CNTN5: variants seen among roughly 807,000 people sequenced by gnomAD.
CNTN5 encodes the protein contactin-5.
A neutral mutation model predicts 129.1 loss-of-function variants in CNTN5; 77 were observed. The observed-to-expected ratio is 0.60, with a 90% confidence interval of 0.50 to 0.72. The LOEUF is 0.72. Ranked by LOEUF, CNTN5 falls within the 30% of genes least tolerant of loss-of-function variation. CNTN5 has a pLI of 0.00. For synonymous variants in CNTN5, 509 were observed against 465.6 expected, an observed-to-expected ratio of 1.09 and a Z score of -1.20; for missense variants, 1,478 against 1,328.8, an observed-to-expected ratio of 1.11 and a Z score of -1.75.
rs367946279 is a variant in CNTN5, at chr11:99,883,764, A to G, written c.578-32290A>G. Among the ~76,000 whole-genome samples, 47 of 152,348 alleles carry G rather than the reference A, an allele frequency of 3.1e-4. 1 individual carries two copies. Among genetic ancestry groups the G allele is most frequent in the African/African-American group, 1.1e-3 (44 of 41,572 alleles). On this transcript the variant is annotated intron_variant, in intron 6 of 24. Transcript: ENST00000524871. ...CTATCTTCTATCTGTTGAATTAAAT[A>G]GAAACCAGGAGAGCCCCAAAACTAA...
At chr11:100,066,695 G>T (rs985222712) in intron 10 of CNTN5, among the ~76,000 whole-genome samples, 3 of 151,936 alleles carry the variant, frequency 2.0e-5, no homozygotes, top group African/African-American at 7.2e-5. Context: ...TGTTTTAAAT[G>T]TGGCCCAACC....
chr11:99,891,169 G>C (rs934694877), intron 6 of CNTN5, among the ~76,000 whole-genome samples: 4 of 152,186 alleles, frequency 2.6e-5, no homozygotes, highest in East Asian at 1.9e-4. Context: ...ATATAAAATT[G>C]GTTGATTATT....
At chr11:99,749,645 G>A (rs189678098) in intron 3 of CNTN5, among the ~76,000 whole-genome samples, 1 of 152,298 alleles carries the variant, frequency 6.6e-6, no homozygotes, top group East Asian at 1.9e-4. Flanking sequence ...TTTAATGAAT[G>A]TAAAATGCTA....
At chr11:99,110,187 G>A (rs1470127288) in intron 1 of CNTN5, among the ~76,000 whole-genome samples, 2 of 152,018 alleles carry the variant, frequency 1.3e-5, no homozygotes, top group Admixed American at 6.6e-5. Flanking sequence ...AGATGAATGG[G>A]GTTGTCAAGG....
At chr11:100,348,782 G>A (rs982878040) in intron 23 of CNTN5, among the ~76,000 whole-genome samples, 8 of 152,002 alleles carry the variant, frequency 5.3e-5, no homozygotes, top group Non-Finnish European at 1.0e-4. Context: ...AAGTGTTCCT[G>A]ATTTCCCCAA....
intron 21 of CNTN5, among the ~76,000 whole-genome samples, chr11:100,319,246 G>A (rs1165809909): frequency 6.7e-6 from 1 of 150,356 alleles, no homozygotes; most frequent in African/African-American, 2.5e-5. Flanking sequence ...TCCGCCTCCT[G>A]GGCTCAAGCA....
At chr11:99,625,724 C>T (rs1951101646) in intron 3 of CNTN5, among the ~76,000 whole-genome samples, 1 of 151,964 alleles carries the variant, frequency 6.6e-6, no homozygotes, top group Admixed American at 6.6e-5. Context: ...CATCACTTTT[C>T]TTCAGGTGAG....
chr11:99,809,141 A>T (rs1190883376), intron 3 of CNTN5, among the ~76,000 whole-genome samples: 1 of 151,944 alleles, frequency 6.6e-6, no homozygotes, highest in Non-Finnish European at 1.5e-5. Context: ...ATTTTTGTTT[A>T]CTCTATGGGG....
At chr11:99,394,957 T>G (rs1941444642) in intron 2 of CNTN5, among the ~76,000 whole-genome samples, 1 of 151,868 alleles carries the variant, frequency 6.6e-6, no homozygotes, top group Non-Finnish European at 1.5e-5. Flanking sequence ...GGCATTCAGG[T>G]TGATTCACTG....
intron 3 of CNTN5, among the ~76,000 whole-genome samples, chr11:99,693,824 C>A (rs1426494447): frequency 1.3e-5 from 2 of 151,988 alleles, no homozygotes; most frequent in Non-Finnish European, 2.9e-5. Context: ...AACAAGTATT[C>A]ATTGAATCAG....
chr11:99,712,556 G>C (rs1231934233), intron 3 of CNTN5, among the ~76,000 whole-genome samples: 1 of 151,992 alleles, frequency 6.6e-6, no homozygotes, highest in East Asian at 1.9e-4. Flanking sequence ...CTTTGCCCAT[G>C]CCTACATCCT....
intron 9 of CNTN5, among the ~76,000 whole-genome samples, chr11:100,041,448 G>C (rs1363783023): frequency 6.6e-6 from 1 of 152,176 alleles, no homozygotes; most frequent in Non-Finnish European, 1.5e-5. Flanking sequence ...TATAATTGCT[G>C]AGTGAACAAA....
intron 3 of CNTN5, among the ~76,000 whole-genome samples, chr11:99,574,553 C>T (rs557677164): frequency 2.5e-4 from 38 of 152,336 alleles, no homozygotes; most frequent in African/African-American, 8.9e-4. Context: ...TATTTCTCCA[C>T]AGCCTCTCCA....
intron 3 of CNTN5, among the ~76,000 whole-genome samples, chr11:99,628,611 G>GACACACACACAC (rs10607009): frequency 5.0e-4 from 73 of 147,144 alleles, no homozygotes; most frequent in Non-Finnish European, 8.2e-4. Context: ...GCTAAATAAT[G>GACACACACACAC]ACACACACAC....
At chr11:99,391,523 A>T (rs1445814644) in intron 2 of CNTN5, among the ~76,000 whole-genome samples, 1 of 152,136 alleles carries the variant, frequency 6.6e-6, no homozygotes. Context: ...GCTTTCGCTA[A>T]GATATATACA....
intron 9 of CNTN5, among the ~76,000 whole-genome samples, chr11:100,030,043 T>C (rs976336414): frequency 2.6e-5 from 4 of 152,158 alleles, no homozygotes; most frequent in Non-Finnish European, 5.9e-5. Context: ...TACTTTGAAC[T>C]GTAGTGTGGT....
chr11:99,548,095 T>C (rs988542864), intron 2 of CNTN5, among the ~76,000 whole-genome samples: 3 of 152,210 alleles, frequency 2.0e-5, no homozygotes, highest in Non-Finnish European at 2.9e-5. Flanking sequence ...TTATGAATTT[T>C]ATAGCTTACT....
rs1949494392 is a variant in CNTN5, at chr11:99,579,519, G to T, written c.55+23250G>T. Among the ~76,000 whole-genome samples the T allele has an allele frequency of 2.7e-5, 4 of 149,862 alleles. No homozygotes were observed. The South Asian group carries it at 8.9e-4, about 33-fold the overall frequency. The stretch of plus-strand genomic sequence containing the variant: ...CTTTTATTTCATTGAGCAGTGGTTT[G>T]TAGTCCTCCTTGAAGAGGTCCTTCA... On this transcript the variant is annotated intron_variant, in intron 3 of 24. Transcript: ENST00000524871.
At chr11:99,832,366 TAA>T (rs1947169257) in intron 4 of CNTN5, among the ~76,000 whole-genome samples, 1 of 152,202 alleles carries the variant, frequency 6.6e-6, no homozygotes, top group African/African-American at 2.4e-5. Flanking sequence ...ATTGTTATCA[TAA>T]GTGATAATAT....
Sources: allele counts gnomAD v4.1 joint callset (sites outside exome capture counted in the v4.1 genomes callset), GRCh38; gene constraint gnomAD v4.1.1; transcripts MANE v1.5; gene names NCBI Gene and HGNC (gene_info 2026-07-23, HGNC 2026-07-21).